Variants in CFAP58 observed in about 807,000 individuals in gnomAD.
CFAP58 encodes cilia and flagella associated protein 58.
CFAP58 carries 88 observed loss-of-function variants against 119.5 expected under a neutral mutation model. The observed-to-expected ratio is 0.74, with a 90% confidence interval of 0.62 to 0.88. The LOEUF is 0.88. Among genes scored for constraint, CFAP58 ranks in the 40% least tolerant of loss-of-function variants. The pLI is 0.00. For missense variants in CFAP58, 990 were observed against 1,021.2 expected (o/e 0.97, Z 0.42); for synonymous variants, 365 against 366.3 (o/e 1.00, Z 0.04).
At position 104,392,380 on chromosome 10, in the gene CFAP58, C is replaced by T; in HGVS notation, c.1513C>T (p.Leu505=). The T allele has an allele frequency of 6.3e-7, 1 of 1,585,412 alleles. No homozygotes were observed. The highest frequency in any genetic ancestry group is 2.3e-5 in the East Asian group (1 of 44,212). ...RSDRNLYSKN[L]VEAQDEITDM... is the part of the protein sequence containing the mutation. ...AGACAGAAATCTGTATAGCAAAAAT[C>T]TGGTTGAGGCTCAGGTAAATAATAT... The change falls in exon 10 of 18, where the codon CTG becomes TTG. Residue 505 remains leucine, a synonymous_variant. Coordinates refer to ENST00000369704, the MANE Select transcript of CFAP58 (RefSeq NM_001008723.2).
At chr10:104,452,773 T>A (rs2013215443) in intron 17 of CFAP58, among the ~76,000 whole-genome samples, 1 of 152,230 alleles carries the variant, frequency 6.6e-6, no homozygotes. Context: ...CCTAGAAAGT[T>A]CTAGAAAGCT....
chr10:104,342,844 C>CAAAAA, the CFAP58 span, among the ~76,000 whole-genome samples: 321 of 48,470 alleles, frequency 6.6e-3, 19 homozygotes, highest in Non-Finnish European at 9.1e-3. Context: ...GACCCTGTAT[C>CAAAAA]AAAAAAAAAA....
intron 15 of CFAP58, among the ~76,000 whole-genome samples, chr10:104,439,029 A>G (rs1299366524): frequency 6.6e-6 from 1 of 152,222 alleles, no homozygotes; most frequent in Non-Finnish European, 1.5e-5. Flanking sequence ...AGATACACTC[A>G]GATATATTTT....
chr10:104,353,600 C>T (rs576143372), upstream of CFAP58: 11 of 446,480 alleles, frequency 2.5e-5, no homozygotes, highest in South Asian at 4.1e-4. Flanking sequence ...CTCCCAGCCT[C>T]TCAGGGGCAC....
chr10:104,372,747 G>GA (rs2014841185), intron 7 of CFAP58, among the ~76,000 whole-genome samples: 1 of 151,786 alleles, frequency 6.6e-6, no homozygotes, highest in African/African-American at 2.4e-5. Flanking sequence ...CTAAGCTTTG[G>GA]AAAAAAAAGT....
At chr10:104,426,786 C>T (rs556807226) in intron 15 of CFAP58, among the ~76,000 whole-genome samples, 1 of 152,272 alleles carries the variant, frequency 6.6e-6, no homozygotes, top group Non-Finnish European at 1.5e-5. Context: ...TGTTTGTATC[C>T]AACCTATCAT....
At chr10:104,431,074 T>G (rs1314701171) in intron 15 of CFAP58, among the ~76,000 whole-genome samples, 1 of 152,206 alleles carries the variant, frequency 6.6e-6, no homozygotes, top group East Asian at 1.9e-4. Flanking sequence ...ACTAGGTTCT[T>G]TCTGATTTAC....
intron 15 of CFAP58, among the ~76,000 whole-genome samples, chr10:104,433,917 G>C (rs1387769588): frequency 2.0e-5 from 3 of 152,164 alleles, no homozygotes; most frequent in Admixed American, 6.6e-5. Flanking sequence ...GGCTGCTCTG[G>C]TCTCTCCAGA....
intron 15 of CFAP58, among the ~76,000 whole-genome samples, chr10:104,419,740 A>G (rs557006668): frequency 6.6e-6 from 1 of 152,320 alleles, no homozygotes; most frequent in African/African-American, 2.4e-5. Context: ...AATCATGCCT[A>G]TCTCCTAGAG....
Position 104,392,246 on chromosome 10 carries a change from T to A in CFAP58, c.1379T>A (p.Met460Lys), listed in dbSNP as rs2012060967. 6.2e-7 allele frequency: 1 copy of A among 1,611,206 alleles called. No individual in the cohort carries two copies. The change falls in exon 10 of 18, where the codon ATG becomes AAG. Residue 460 changes from methionine to lysine, a missense_variant. Physicochemically the swap from Met to Lys is moderately conservative, Grantham distance 95. Coordinates refer to ENST00000369704, the MANE Select transcript of CFAP58 (RefSeq NM_001008723.2). The stretch of plus-strand genomic sequence containing the variant: ...TTTCTCCTCCAGGTCCTTATGAACA[T>A]GGAAGACATAAAAGTTCGTGAAACA... ...SDLTQKVLMNMEDIKVRETQI... is the reference protein window; with the variant it reads ...SDLTQKVLMNKEDIKVRETQI...
chr10:104,424,767 T>C (rs1157682669), intron 15 of CFAP58, among the ~76,000 whole-genome samples: 1 of 152,112 alleles, frequency 6.6e-6, no homozygotes, highest in African/African-American at 2.4e-5. Context: ...TGGTATATAA[T>C]GAGATGTTGT....
intron 15 of CFAP58, among the ~76,000 whole-genome samples, chr10:104,438,423 C>T (rs1243078372): frequency 7.3e-6 from 1 of 137,680 alleles, no homozygotes; most frequent in Non-Finnish European, 1.5e-5. Context: ...GGCCAGACTG[C>T]GGACTGCAGT....
chr10:104,412,494 C>A (rs2012476912), intron 15 of CFAP58, among the ~76,000 whole-genome samples: 1 of 152,008 alleles, frequency 6.6e-6, no homozygotes, highest in Admixed American at 6.6e-5. Flanking sequence ...AGACAACAAG[C>A]CTTGTTATCT....
chr10:104,346,666 C>T, the CFAP58 span, among the ~76,000 whole-genome samples: 1 of 91,976 alleles, frequency 1.1e-5, no homozygotes, highest in African/African-American at 4.4e-5. Flanking sequence ...GACCAAGTCT[C>T]ACTCTGTCGC....
In CFAP58 at chr10:104,357,958, CAT is replaced by C. The variant is rs559084963; in HGVS notation, c.10-378_10-377del. Among the ~76,000 whole-genome samples the C allele has an allele frequency of 1.3e-4, 15 of 112,470 alleles. 1 individual carries two copies. Among genetic ancestry groups the C allele is most frequent in the African/African-American group, 4.8e-4 (10 of 20,670 alleles). The allele number at this position is 112,470 out of a possible 152,430, so 73.8% of individuals were successfully genotyped here. On this transcript the variant is annotated intron_variant, in intron 1 of 17. Transcript: ENST00000369704. ...ACACATATATGTACACATATATACA[CAT>C]ATATGTACACATATGTACATATGTA...
chr10:104,407,203 G>C (rs959579063), intron 15 of CFAP58, among the ~76,000 whole-genome samples: 12 of 152,192 alleles, frequency 7.9e-5, no homozygotes, highest in Non-Finnish European at 1.6e-4. Flanking sequence ...TGAGTGAAAT[G>C]GAAGAAGAGA....
intron 15 of CFAP58, among the ~76,000 whole-genome samples, chr10:104,407,313 C>CCAT (rs543463749): frequency 1.1e-3 from 163 of 152,102 alleles, no homozygotes; most frequent in African/African-American, 3.2e-3. Flanking sequence ...TTCCTCACTG[C>CCAT]CATCATCATC....
rs1031581180 is a variant in CFAP58, at chr10:104,409,589, C to T, written c.2256+2796C>T. ...CACTGAAAAAAGTTTGGAGATTTGTCTTATTTCTCCTTCTCTCTGACATTT... is the reference window on the plus strand; with the variant it reads ...CACTGAAAAAAGTTTGGAGATTTGTTTTATTTCTCCTTCTCTCTGACATTT... On this transcript the variant is annotated intron_variant, in intron 15 of 17. Coordinates refer to ENST00000369704, the MANE Select transcript of CFAP58 (RefSeq NM_001008723.2). Among the ~76,000 whole-genome samples the T allele has an allele frequency of 6.6e-5, 10 of 152,242 alleles. No individual in the cohort carries two copies. The South Asian group carries it at 2.1e-3, about 31-fold the overall frequency.
intron 14 of CFAP58, among the ~76,000 whole-genome samples, chr10:104,404,336 A>C (rs1339096889): frequency 1.3e-4 from 20 of 152,226 alleles, no homozygotes; most frequent in Admixed American, 1.3e-3. Flanking sequence ...ACACAGCTAA[A>C]GTCCCATTGG....
Sources: allele counts gnomAD v4.1 joint callset (sites outside exome capture counted in the v4.1 genomes callset), GRCh38; gene constraint gnomAD v4.1.1; transcripts MANE v1.5; gene names NCBI Gene and HGNC (gene_info 2026-07-23, HGNC 2026-07-21).